The following MRGPRF variants were observed in gnomAD, a reference collection of about 807,000 sequenced individuals.
MRGPRF encodes MAS related GPR family member F.
A neutral mutation model predicts 3.3 loss-of-function variants in MRGPRF; 2 were observed. The ratio of observed to expected loss-of-function variants is 0.61; its 90% CI spans 0.25 to 1.92. The LOEUF (loss-of-function observed/expected upper bound fraction) is 1.92, where lower values mean the gene tolerates loss of function less well. MRGPRF is among the 40% of genes most tolerant of loss of function. The pLI is 0.16. For synonymous variants in MRGPRF, 242 were observed against 222.7 expected (o/e 1.09, Z -0.77); for missense variants, 500 against 476.0 (o/e 1.05, Z -0.47).
rs145545074 is a variant in MRGPRF at position 69,006,087 on chromosome 11, T to C, written c.223A>G (p.Arg75Gly). 979 of 1,610,982 alleles carry C rather than the reference T, an allele frequency of 6.1e-4. 2 individuals are homozygous for C. In the African/African-American group the frequency reaches 0.012, roughly 19 times the overall value. ...AGGAAGTAGATGGAGAAGGGGTTCC[T>C]CTTGATGGAGAAGCCGAAAAACCAG... ...VLWFFGFSIK[R>G]NPFSIYFLHL... The change falls in exon 3 of 3, where the codon AGG becomes GGG. Residue 75 changes from arginine to glycine, a missense_variant. Coordinates refer to ENST00000309099, the MANE Select transcript of MRGPRF (RefSeq NM_145015.5).
chr11:69,008,024 G>A (rs1396168782), intron 2 of MRGPRF, among the ~76,000 whole-genome samples: 2 of 152,182 alleles, frequency 1.3e-5, no homozygotes, highest in African/African-American at 4.8e-5. Flanking sequence ...GGAGCACAGT[G>A]GCAAATCTGA....
rs771009282 is a variant in MRGPRF at position 69,005,332 on chromosome 11, G to C, written c.978C>G (p.Ser326Arg). The C allele has an allele frequency of 7.0e-5, 109 of 1,555,650 alleles. No individual in the cohort carries two copies. The highest frequency in any genetic ancestry group is 9.1e-5 in the Non-Finnish European group (105 of 1,153,152). ...TCTCCATGGTGACTGTGTTGGGCGT[G>C]CTGCCCCCGGCCTCCCCCAGCTCAG... ...DGAELGEAGG[S>R]TPNTVTMEMQ... Residue 326 changes from serine (S) to arginine (R), a missense_variant, in exon 3 of 3, where the codon AGC becomes AGG. Coordinates refer to ENST00000309099, the MANE Select transcript of MRGPRF (RefSeq NM_145015.5).
Position 69,005,375 on chromosome 11 carries a change from C to T in MRGPRF, c.935G>A (p.Arg312Gln), listed in dbSNP as rs1271927621. ...LWEPLRVVFQ[R>Q]ALRDGAELGE... is the part of the protein sequence containing the mutation. ...CAGCTCAGCGCCGTCCCGCAGGGCCCGCTGGAAGACCACCCTGAGCGGCTC... is the reference window on the plus strand; with the variant it reads ...CAGCTCAGCGCCGTCCCGCAGGGCCTGCTGGAAGACCACCCTGAGCGGCTC... Residue 312 changes from arginine (R) to glutamine (Q), a missense_variant, in exon 3 of 3, where the codon CGG becomes CAG. Coordinates refer to ENST00000309099, the MANE Select transcript of MRGPRF (RefSeq NM_145015.5). The T allele has an allele frequency of 6.4e-6, 10 of 1,571,482 alleles. No individual in the cohort carries two copies. Among genetic ancestry groups the T allele is most frequent in the Middle Eastern group, 1.7e-4 (1 of 6,036 alleles).
At position 69,005,564 on chromosome 11, in the gene MRGPRF, A is replaced by C; in HGVS notation, c.746T>G (p.Leu249Arg). The change falls in exon 3 of 3, where the codon CTG becomes CGG. Residue 249 changes from leucine (L) to arginine (R), a missense_variant. Coordinates refer to ENST00000309099, the MANE Select transcript of MRGPRF (RefSeq NM_145015.5). ...GATCCCTAAGTAGATGGAGGACACC[A>C]GGAAGACGGAGACCATGGCCAGGAT... ...HVILAMVSVF[L>R]VSSIYLGIDW... The C allele has an allele frequency of 6.3e-7, 1 of 1,585,620 alleles. No individual in the cohort carries two copies. Among genetic ancestry groups the C allele is most frequent in the Non-Finnish European group, 8.6e-7 (1 of 1,166,386 alleles).
chr11:69,010,163 C>A (rs1194409966), intron 1 of MRGPRF, among the ~76,000 whole-genome samples: 1 of 152,258 alleles, frequency 6.6e-6, no homozygotes, highest in East Asian at 1.9e-4. Flanking sequence ...CCCCCTCCTG[C>A]CTGTGGACTC....
At position 69,005,477 on chromosome 11, in the gene MRGPRF, A is replaced by G; in HGVS notation, c.833T>C (p.Leu278Pro). Reference protein sequence around the residue: ...PAPFPEYVTDLCICINSSAKP... With the variant: ...PAPFPEYVTDPCICINSSAKP... ...GGCGCTGCTGTTGATGCAGATGCAC[A>G]GGTCAGTGACGTACTCGGGGAAGGG... The change falls in exon 3 of 3, where the codon CTG (leucine) becomes CCG (proline). Residue 278 changes from leucine (L) to proline (P), a missense_variant. By Grantham distance (98) the Leu-to-Pro change is moderately conservative. Transcript: ENST00000309099. 1 of 1,587,038 alleles carries G rather than the reference A, an allele frequency of 6.3e-7. No individual in the cohort carries two copies. The highest frequency in any genetic ancestry group is 8.6e-7 in the Non-Finnish European group (1 of 1,166,744).
chr11:69,012,331 C>G (rs890634616), intron 1 of MRGPRF: 7 of 152,318 alleles, frequency 4.6e-5, no homozygotes, highest in African/African-American at 1.2e-4. Context: ...TGGGGCTGTC[C>G]CAGCCCCTCT....
intron 2 of MRGPRF, among the ~76,000 whole-genome samples, chr11:69,009,095 C>T (rs879362771): frequency 8.5e-5 from 13 of 152,186 alleles, no homozygotes; most frequent in African/African-American, 1.2e-4. Context: ...GCGGTCACTA[C>T]GGGGAAGAGG....
intron 2 of MRGPRF, among the ~76,000 whole-genome samples, chr11:69,008,950 C>T (rs781719276): frequency 4.3e-4 from 66 of 152,212 alleles, no homozygotes; most frequent in Non-Finnish European, 4.1e-4. Flanking sequence ...CGTGACCAGC[C>T]GCATACTGCC....
At position 69,005,289 on chromosome 11, in the gene MRGPRF, TC is replaced by T. The variant is rs1337973844; in HGVS notation, c.1020del (p.Asn341ThrfsTer82). 4 of 1,501,308 alleles carry T rather than the reference TC, an allele frequency of 2.7e-6. No individual in the cohort carries two copies. The highest frequency in any genetic ancestry group is 2.4e-5 in the East Asian group (1 of 41,256). The allele number at this position is 1,501,308 out of a possible 1,614,324, so 93.0% of individuals were successfully genotyped here. A position where few individuals can be genotyped will look rare whatever the true frequency, so the allele number is the denominator to read the frequency against. ...TVTMEMQCPP[G>X]NAS ...CAGGCGCTGGAGTCTCAGGAGGCGTTCCCCGGGGGACACTGCATCTCCATGG... is the reference window on the plus strand; with the variant it reads ...CAGGCGCTGGAGTCTCAGGAGGCGTTCCCGGGGGACACTGCATCTCCATGG... On this transcript the variant is annotated frameshift_variant, in exon 3 of 3. Transcript: ENST00000309099. LOFTEE classifies it high-confidence loss of function.
Position 69,004,847 on chromosome 11 carries a change from G to A in MRGPRF, c.*431C>T, listed in dbSNP as rs1860435951. The stretch of plus-strand genomic sequence containing the variant: ...CATTTGCTCACTGATAATGCCTTAA[G>A]AGGATCGAATCTCTGGAACAGCCCT... On this transcript the variant is annotated 3_prime_UTR_variant, in exon 3 of 3. Coordinates refer to ENST00000309099, the MANE Select transcript of MRGPRF (RefSeq NM_145015.5). 1.2e-5 allele frequency: 2 copies of A among 172,928 alleles called. No individual in the cohort carries two copies. The highest frequency in any genetic ancestry group is 1.7e-4 in the East Asian group (1 of 5,898). The allele number at this position is 172,928 out of a possible 1,614,324, so 10.7% of individuals were successfully genotyped here.
chr11:69,011,026 C>A (rs1187023656), intron 1 of MRGPRF, among the ~76,000 whole-genome samples: 1 of 152,158 alleles, frequency 6.6e-6, no homozygotes, highest in Non-Finnish European at 1.5e-5. Context: ...AGGTCGCAGG[C>A]TGCCGGGCCC....
chr11:69,009,970 CAGAG>C lies in MRGPRF; in HGVS notation c.-56-17_-56-14del. 1 of 1,538,012 alleles carries C rather than the reference CAGAG, an allele frequency of 6.5e-7. No individual in the cohort carries two copies. The highest frequency in any genetic ancestry group is 8.8e-7 in the Non-Finnish European group (1 of 1,140,434). On this transcript the variant is annotated splice_polypyrimidine_tract_variant and intron_variant, in intron 1 of 2. Coordinates refer to ENST00000309099, the MANE Select transcript of MRGPRF (RefSeq NM_145015.5). ...TCTGCACACCCACCTGGCAGAAGCC[CAGAG>C]AGAGGGTGGATGAGGACAGCAGGGA...
At chr11:69,007,084 G>A (rs1860506302) in intron 2 of MRGPRF, among the ~76,000 whole-genome samples, 1 of 152,248 alleles carries the variant, frequency 6.6e-6, no homozygotes, top group Non-Finnish European at 1.5e-5. Flanking sequence ...CATCGGTGTT[G>A]CAGCTTTTGA....
rs1162998090 is a variant in MRGPRF, at chr11:69,009,954, C to T, written c.-53G>A. 1.3e-6 allele frequency: 2 copies of T among 1,565,914 alleles called. No homozygotes were observed. Among genetic ancestry groups the T allele is most frequent in the African/African-American group, 2.7e-5 (2 of 74,286 alleles). On this transcript the variant is annotated 5_prime_UTR_variant, in exon 2 of 3. Coordinates refer to ENST00000309099, the MANE Select transcript of MRGPRF (RefSeq NM_145015.5). The stretch of plus-strand genomic sequence containing the variant: ...GCTGGCAGCTCACCAGTCTGCACAC[C>T]CACCTGGCAGAAGCCCAGAGAGAGG...
In MRGPRF at chr11:69,010,021, C is replaced by T. The variant is rs11828925; in HGVS notation, c.-56-64G>A. ...GGGACCCCTCCCCTTCCTGGACCCC[C>T]GTGCCTAGGCCCCCAAGGCCTGTGG... On this transcript the variant is annotated intron_variant, in intron 1 of 2. Transcript: ENST00000309099. 2.3e-3 allele frequency: 2,607 copies of T among 1,110,030 alleles called. 43 individuals carry two copies. In the African/African-American group the frequency reaches 0.035, roughly 15 times the overall value. The allele number at this position is 1,110,030 out of a possible 1,614,324, so 68.8% of individuals were successfully genotyped here.
At chr11:69,009,401 C>G (rs575464123) in intron 2 of MRGPRF, 6 of 465,068 alleles carry the variant, frequency 1.3e-5, no homozygotes, top group African/African-American at 8.1e-5. Flanking sequence ...TGACTCATGA[C>G]TAATGGACCC....
At chr11:69,006,822 C>T (rs1404634541) in intron 2 of MRGPRF, among the ~76,000 whole-genome samples, 1 of 152,096 alleles carries the variant, frequency 6.6e-6, no homozygotes, top group African/African-American at 2.4e-5. Context: ...CGGGGCTTCG[C>T]CGTGTTGGCC....
At chr11:69,008,941 G>A (rs573490694) in intron 2 of MRGPRF, among the ~76,000 whole-genome samples, 14 of 152,236 alleles carry the variant, frequency 9.2e-5, no homozygotes, top group African/African-American at 1.4e-4. Context: ...TGTAGCTGCC[G>A]TGACCAGCCG....
Sources: allele counts gnomAD v4.1 joint callset (sites outside exome capture counted in the v4.1 genomes callset), GRCh38; gene constraint gnomAD v4.1.1; transcripts MANE v1.5; gene names NCBI Gene and HGNC (gene_info 2026-07-23, HGNC 2026-07-21).